The following MRPL42 variants were observed in gnomAD, a reference collection of about 807,000 sequenced individuals.
MRPL42 encodes the protein large ribosomal subunit protein mL42.
In MRPL42, 17 loss-of-function variants were observed where a neutral mutation model predicts 17.9. That is an observed-to-expected ratio of 0.95 (90% CI 0.65 to 1.42). MRPL42 has a LOEUF of 1.42. MRPL42 is among the 40% of genes most tolerant of loss of function. The pLI is 0.00. For missense variants in MRPL42, 177 were observed against 175.2 expected (o/e 1.01, Z -0.06); for synonymous variants, 59 against 54.4 (o/e 1.08, Z -0.37).
chr12:93,490,141 G>A (rs543013508), intron 5 of MRPL42, among the ~76,000 whole-genome samples: 42 of 152,088 alleles, frequency 2.8e-4, no homozygotes, highest in Non-Finnish European at 5.4e-4. Flanking sequence ...TCTGTTTTAA[G>A]CATTCATAAC....
intron 1 of MRPL42, 108 bp from the exon 2 acceptor site, chr12:93,469,084 A>G (rs1879774985): frequency 8.0e-6 from 4 of 497,136 alleles, no homozygotes; most frequent in Admixed American, 3.9e-5. Flanking sequence ...GTTTAAAAGC[A>G]TTGCTTCAGT....
chr12:93,476,399 C>T (rs111293521), intron 2 of MRPL42, among the ~76,000 whole-genome samples: 1,624 of 152,258 alleles, frequency 0.011, 29 homozygotes, highest in African/African-American at 0.037. Context: ...AACTCCTTGA[C>T]CTCAGGTGAT....
At chr12:93,488,993 T>C (rs1953363173) in intron 5 of MRPL42, among the ~76,000 whole-genome samples, 1 of 152,092 alleles carries the variant, frequency 6.6e-6, no homozygotes, top group African/African-American at 2.4e-5. Context: ...GCCCAGCTAG[T>C]TTGAACAAAA....
Position 93,507,407 on chromosome 12 carries a change from A to G in MRPL42, c.*6186A>G, listed in dbSNP as rs1953682450. 1 of 152,150 alleles carries G rather than the reference A, an allele frequency of 6.6e-6. No individual in the cohort carries two copies. Among genetic ancestry groups the G allele is most frequent in the African/African-American group, 2.4e-5 (1 of 41,424 alleles). The allele number at this position is 152,150 out of a possible 1,614,324, so 9.4% of individuals were successfully genotyped here. On this transcript the variant is annotated 3_prime_UTR_variant, in exon 6 of 6. Transcript: ENST00000549982. ...TCTTTTCCTTTTTCCAACCCAGTAT[A>G]CCTTAGAAACTTTCAGTTTCTTTTA...
intron 2 of MRPL42, 48 bp downstream of exon 2, chr12:93,469,403 A>C: frequency 7.3e-7 from 1 of 1,378,194 alleles, no homozygotes; most frequent in Admixed American, 2.1e-5. Context: ...ACTTTTAAGA[A>C]TTAAGAAAAT....
intron 5 of MRPL42, among the ~76,000 whole-genome samples, chr12:93,491,819 C>A (rs993661581): frequency 6.6e-6 from 1 of 152,214 alleles, no homozygotes; most frequent in African/African-American, 2.4e-5. Context: ...ATCTTTGTGT[C>A]CGTGTGTACC....
At chr12:93,471,163 T>C (rs1019425983) in intron 2 of MRPL42, among the ~76,000 whole-genome samples, 2 of 152,156 alleles carry the variant, frequency 1.3e-5, no homozygotes, top group Non-Finnish European at 2.9e-5. Flanking sequence ...CAGATCCTAC[T>C]CTATTTTATT....
At chr12:93,476,274 C>T (rs2121182632) in intron 2 of MRPL42, among the ~76,000 whole-genome samples, 1 of 152,190 alleles carries the variant, frequency 6.6e-6, no homozygotes, top group East Asian at 1.9e-4. Flanking sequence ...GCAAACTCCG[C>T]CTCCTGGGTT....
At chr12:93,470,359 C>A in intron 2 of MRPL42, 1 of 823,364 alleles carries the variant, frequency 1.2e-6, no homozygotes, top group Non-Finnish European at 1.6e-6. Flanking sequence ...GAGTTTATAG[C>A]TCTTATAAAC....
intron 4 of MRPL42, among the ~76,000 whole-genome samples, chr12:93,486,994 G>A (rs1880772456): frequency 6.6e-6 from 1 of 151,856 alleles, no homozygotes; most frequent in Admixed American, 6.6e-5. Flanking sequence ...TTTTGAGACA[G>A]GGTTTCACTC....
chr12:93,474,311 G>A (rs1232227654), intron 2 of MRPL42, among the ~76,000 whole-genome samples: 1 of 151,144 alleles, frequency 6.6e-6, no homozygotes, highest in Non-Finnish European at 1.5e-5. Flanking sequence ...TTTTTTAATA[G>A]AGATGGGGTC....
In MRPL42 at chr12:93,503,678, C is replaced by G. The variant is rs1953630593; in HGVS notation, c.*2457C>G. The G allele has an allele frequency of 1.3e-5, 2 of 151,944 alleles. No individual in the cohort carries two copies. Among genetic ancestry groups the G allele is most frequent in the African/African-American group, 4.8e-5 (2 of 41,384 alleles). 9.4% of individuals were successfully genotyped at this position (151,944 alleles called of 1,614,324 possible). A position where few individuals can be genotyped will look rare whatever the true frequency, so the allele number is the denominator to read the frequency against. On this transcript the variant is annotated 3_prime_UTR_variant, in exon 6 of 6. Coordinates refer to ENST00000549982, the MANE Select transcript of MRPL42 (RefSeq NM_014050.4). ...GGATTACAGGTGTGAGCCACTGTGC[C>G]CAGCCTTATTTTTTTTTTTTAAGAT... is the stretch of plus-strand genomic sequence containing the variant.
At chr12:93,494,322 A>T (rs991019371) in intron 5 of MRPL42, among the ~76,000 whole-genome samples, 3 of 152,230 alleles carry the variant, frequency 2.0e-5, no homozygotes, top group Non-Finnish European at 4.4e-5. Context: ...TATTTCAACA[A>T]AACAGGCAAG....
chr12:93,478,938 A>G (rs146679620), intron 3 of MRPL42, among the ~76,000 whole-genome samples: 1 of 79,982 alleles, frequency 1.3e-5, no homozygotes, highest in South Asian at 3.5e-4. Flanking sequence ...TTATTTATTT[A>G]TTTATTTTTT....
chr12:93,492,513 G>T (rs544185902), intron 5 of MRPL42, among the ~76,000 whole-genome samples: 1 of 152,138 alleles, frequency 6.6e-6, no homozygotes, highest in South Asian at 2.1e-4. Context: ...TACAGATTCT[G>T]GTTCTAGAAG....
chr12:93,469,338 A>G lies in MRPL42; in HGVS notation c.53A>G (p.His18Arg). Residue 18 changes from histidine to arginine, a missense_variant, in exon 2 of 6, where the codon CAT becomes CGT. Transcript: ENST00000549982. ...WVMSKRTILK[H>R]LFPVQNGALY... ...ATGTCAAAGAGAACTATCTTGAAAC[A>G]TTTATTTCCAGTCCAAAGTAAGTGA... The G allele has an allele frequency of 1.2e-6, 2 of 1,609,404 alleles. No individual in the cohort carries two copies. The highest frequency in any genetic ancestry group is 1.3e-5 in the African/African-American group (1 of 74,804).
At position 93,512,283 on chromosome 12, in the gene MRPL42, C is replaced by T. The variant is rs1215644700; in HGVS notation, c.*11062C>T. ...CCTGGCCAACATGGTGAAACCCCAT[C>T]TCTACTAAAAATACAAAAATTAGCT... On this transcript the variant is annotated 3_prime_UTR_variant, in exon 6 of 6. Coordinates refer to ENST00000549982, the MANE Select transcript of MRPL42 (RefSeq NM_014050.4). 6.6e-6 allele frequency: 1 copy of T among 152,236 alleles called. No individual in the cohort carries two copies. Among genetic ancestry groups the T allele is most frequent in the African/African-American group, 2.4e-5 (1 of 41,440 alleles). The allele number at this position is 152,236 out of a possible 1,614,324, so 9.4% of individuals were successfully genotyped here.
Position 93,469,325 on chromosome 12 carries a change from A to G in MRPL42, c.40A>G (p.Thr14Ala), listed in dbSNP as rs767555051. 2.5e-6 allele frequency: 4 copies of G among 1,611,676 alleles called. No individual in the cohort carries two copies. The South Asian group carries it at 4.4e-5, about 18-fold the overall frequency. ...AAVKWVMSKR[T>A]ILKHLFPVQN... ...AGTAAAATGGGTGATGTCAAAGAGA[A>G]CTATCTTGAAACATTTATTTCCAGT... is the stretch of plus-strand genomic sequence containing the variant. Residue 14 changes from threonine (T) to alanine (A), a missense_variant, in exon 2 of 6, where the codon ACT (threonine) becomes GCT (alanine). Transcript: ENST00000549982.
chr12:93,501,190 G>C lies in MRPL42; in HGVS notation c.398G>C (p.Arg133Pro). Residue 133 changes from arginine (R) to proline (P), a missense_variant, in exon 6 of 6, where the codon CGT (arginine) becomes CCT (proline). By Grantham distance (103) the Arg-to-Pro change is moderately radical. Coordinates refer to ENST00000549982, the MANE Select transcript of MRPL42 (RefSeq NM_014050.4). Reference sequence around the variant, plus strand: ...TTCTTTTCAAGGTATCACAGATGTCGTAAGAATCTGAATCCTCCAAAAGAC... The same window carrying C: ...TTCTTTTCAAGGTATCACAGATGTCCTAAGAATCTGAATCCTCCAAAAGAC... ...WYPHGRYHRC[R>P]KNLNPPKDR 1 of 1,600,114 alleles carries C rather than the reference G, an allele frequency of 6.2e-7. No homozygotes were observed. Among genetic ancestry groups the C allele is most frequent in the South Asian group, 1.1e-5 (1 of 87,798 alleles).
Sources: allele counts gnomAD v4.1 joint callset (sites outside exome capture counted in the v4.1 genomes callset), GRCh38; gene constraint gnomAD v4.1.1; transcripts MANE v1.5; gene names NCBI Gene and HGNC (gene_info 2026-07-23, HGNC 2026-07-21).